TNS3: variants seen among roughly 807,000 people sequenced by gnomAD.
TNS3 encodes the protein tensin-3.
Under a neutral mutation model 140.9 loss-of-function variants are expected in TNS3, and 45 were observed. The observed-to-expected ratio is 0.32, with a 90% confidence interval of 0.25 to 0.41. The LOEUF is 0.41. Ranked by LOEUF, TNS3 falls within the 10% of genes least tolerant of loss-of-function variation. The pLI, the probability that TNS3 is intolerant of heterozygous loss-of-function variation, is 1.00. For missense variants in TNS3, 1,716 were observed against 1,906.7 expected, an observed-to-expected ratio of 0.90 and a Z score of 1.86; for synonymous variants, 815 against 788.4, an observed-to-expected ratio of 1.03 and a Z score of -0.56.
intron 13 of TNS3, 38 bp downstream of exon 13, chr7:47,411,689 G>C (rs1420983928): frequency 1.3e-6 from 2 of 1,580,230 alleles, no homozygotes; most frequent in African/African-American, 2.7e-5. Context: ...TGGGAGAGTG[G>C]GGACACCAAC....
intron 20 of TNS3, among the ~76,000 whole-genome samples, chr7:47,305,403 T>C (rs1394359940): frequency 6.6e-6 from 1 of 152,240 alleles, no homozygotes. Flanking sequence ...CACTTTAGAA[T>C]TGGCATGGCC....
chr7:47,507,459 CA>C (rs1316645200), intron 2 of TNS3, among the ~76,000 whole-genome samples: 1 of 152,180 alleles, frequency 6.6e-6, no homozygotes, highest in Non-Finnish European at 1.5e-5. Context: ...GAAAGTCGTG[CA>C]TCTGGATTTC....
chr7:47,438,601 G>A (rs1433782423), intron 6 of TNS3, among the ~76,000 whole-genome samples: 1 of 152,164 alleles, frequency 6.6e-6, no homozygotes, highest in Admixed American at 6.5e-5. Flanking sequence ...AAAGAGGCAG[G>A]AGCCTGAGTG....
chr7:47,335,567 C>T (rs567399354), intron 20 of TNS3, among the ~76,000 whole-genome samples: 27 of 152,370 alleles, frequency 1.8e-4, no homozygotes, highest in African/African-American at 6.5e-4. Context: ...TCCCAGGGCT[C>T]AGCCACCCAG....
chr7:47,505,948 TG>T (rs1320165600), intron 3 of TNS3, among the ~76,000 whole-genome samples: 1 of 152,138 alleles, frequency 6.6e-6, no homozygotes, highest in Admixed American at 6.5e-5. Flanking sequence ...AGTGAGTTCA[TG>T]GTAACATGAA....
intron 9 of TNS3, among the ~76,000 whole-genome samples, chr7:47,424,796 C>CG: frequency 6.6e-6 from 1 of 152,254 alleles, no homozygotes; most frequent in South Asian, 2.1e-4. Flanking sequence ...TCTCAGGCCT[C>CG]GGGGCTGCAG....
intron 1 of TNS3, among the ~76,000 whole-genome samples, chr7:47,578,511 G>A (rs1027334859): frequency 6.6e-6 from 1 of 151,850 alleles, no homozygotes; most frequent in African/African-American, 2.4e-5. Context: ...GGAGGCAACA[G>A]GTGAGGGATA....
chr7:47,434,219 C>G (rs1471325723), intron 8 of TNS3, among the ~76,000 whole-genome samples: 2 of 150,894 alleles, frequency 1.3e-5, no homozygotes, highest in East Asian at 2.0e-4. Flanking sequence ...TACTGAGAGT[C>G]TAATATAACT....
intron 17 of TNS3, among the ~76,000 whole-genome samples, chr7:47,352,470 T>C (rs1382159591): frequency 6.6e-6 from 1 of 152,126 alleles, no homozygotes; most frequent in Non-Finnish European, 1.5e-5. Context: ...TCCGTGATGG[T>C]GGAGGGTCAG....
intron 23 of TNS3, among the ~76,000 whole-genome samples, chr7:47,298,372 C>CA (rs1305424263): frequency 6.6e-6 from 1 of 152,102 alleles, no homozygotes; most frequent in Non-Finnish European, 1.5e-5. Context: ...ATCATTGCTT[C>CA]AAAAAATCTC....
At chr7:47,504,438 A>T (rs1798339329) in intron 3 of TNS3, among the ~76,000 whole-genome samples, 1 of 152,186 alleles carries the variant, frequency 6.6e-6, no homozygotes, top group African/African-American at 2.4e-5. Flanking sequence ...GAGCCTGTAG[A>T]CACAGGCGCA....
intron 20 of TNS3, among the ~76,000 whole-genome samples, chr7:47,336,864 G>C (rs1357796851): frequency 1.3e-5 from 2 of 152,204 alleles, no homozygotes; most frequent in African/African-American, 4.8e-5. Flanking sequence ...CCTGGATACA[G>C]ATGGGTCTAT....
chr7:47,470,951 T>C (rs1050949891), intron 4 of TNS3, among the ~76,000 whole-genome samples: 1 of 130,068 alleles, frequency 7.7e-6, no homozygotes, highest in East Asian at 2.0e-4. Flanking sequence ...TTGTTTTTTG[T>C]TTTTTTTTAA....
chr7:47,470,436 A>G, intron 4 of TNS3: 1 of 985,188 alleles, frequency 1.0e-6, no homozygotes, highest in Non-Finnish European at 1.2e-6. Flanking sequence ...AAGAAATCCC[A>G]CTCAACCTGA....
chr7:47,388,764 G>A (rs1323816516), intron 16 of TNS3, among the ~76,000 whole-genome samples: 1 of 152,080 alleles, frequency 6.6e-6, no homozygotes, highest in Non-Finnish European at 1.5e-5. Flanking sequence ...TACTCGGGAG[G>A]CTGAGGCAGG....
intron 8 of TNS3, among the ~76,000 whole-genome samples, chr7:47,429,255 T>TGGCCA (rs966711331): frequency 5.3e-5 from 8 of 152,236 alleles, no homozygotes; most frequent in Non-Finnish European, 1.0e-4. Flanking sequence ...GACTAGAACA[T>TGGCCA]GGCCACTCCC....
chr7:47,476,403 A>ACT (rs1797196523), intron 4 of TNS3, among the ~76,000 whole-genome samples: 1 of 151,926 alleles, frequency 6.6e-6, no homozygotes, highest in Non-Finnish European at 1.5e-5. Flanking sequence ...ACAGGCTGTG[A>ACT]CTCCCCTGTA....
At position 47,574,376 on chromosome 7, in the gene TNS3, G is replaced by T. The variant is rs1191620148; in HGVS notation, c.-265+7675C>A. Among the ~76,000 whole-genome samples, 9 of 152,132 alleles carry T rather than the reference G, an allele frequency of 5.9e-5. No homozygotes were observed. The East Asian group carries it at 1.7e-3, about 29-fold the overall frequency. ...TGCAGGCCTGGTTTTTACCCTGGGG[G>T]TGATAACCTAGCCATGTTTAAGGAC... is the stretch of plus-strand genomic sequence containing the variant. On this transcript the variant is annotated intron_variant, in intron 1 of 30. Coordinates refer to ENST00000311160, the MANE Select transcript of TNS3 (RefSeq NM_022748.12).
intron 3 of TNS3, 75 bp from the exon 4 acceptor site, chr7:47,481,216 C>T: frequency 8.7e-7 from 1 of 1,153,980 alleles, no homozygotes; most frequent in Non-Finnish European, 1.2e-6. Context: ...AAGCCAGGCT[C>T]CCAAAGACTG....
Sources: allele counts gnomAD v4.1 joint callset (sites outside exome capture counted in the v4.1 genomes callset), GRCh38; gene constraint gnomAD v4.1.1; transcripts MANE v1.5; gene names NCBI Gene and HGNC (gene_info 2026-07-23, HGNC 2026-07-21).